The following CUX2 variants were observed in gnomAD, a reference collection of about 807,000 sequenced individuals.
CUX2 encodes cut like homeobox 2.
A neutral mutation model predicts 144.8 loss-of-function variants in CUX2; 40 were observed. The ratio of observed to expected loss-of-function variants is 0.28; its 90% CI spans 0.21 to 0.36. The LOEUF (loss-of-function observed/expected upper bound fraction) is 0.36. Ranked by LOEUF, CUX2 falls within the 10% of genes least tolerant of loss-of-function variation. The pLI, the probability that CUX2 is intolerant of heterozygous loss-of-function variation, is 1.00. For synonymous variants in CUX2, 827 were observed against 875.6 expected, an observed-to-expected ratio of 0.94 and a Z score of 0.98; for missense variants, 1,615 against 1,994.0, an observed-to-expected ratio of 0.81 and a Z score of 3.62.
chr12:111,132,398 C>T (rs1002505595), intron 1 of CUX2, among the ~76,000 whole-genome samples: 6 of 152,196 alleles, frequency 3.9e-5, no homozygotes, highest in African/African-American at 1.4e-4. Context: ...CTGACATGGC[C>T]TGAAGACATT....
intron 21 of CUX2, among the ~76,000 whole-genome samples, chr12:111,343,640 A>C (rs769373494): frequency 2.0e-5 from 3 of 152,166 alleles, no homozygotes; most frequent in African/African-American, 2.4e-5. Context: ...CTCAGTCCCC[A>C]ATCCCCCCAC....
chr12:111,086,333 G>A (rs927804725), intron 1 of CUX2, among the ~76,000 whole-genome samples: 2 of 152,208 alleles, frequency 1.3e-5, no homozygotes, highest in African/African-American at 4.8e-5. Context: ...TGTGTAGCCT[G>A]GGGTGCATCA....
At chr12:111,209,196 G>T (rs1045454515) in intron 1 of CUX2, among the ~76,000 whole-genome samples, 1 of 152,078 alleles carries the variant, frequency 6.6e-6, no homozygotes, top group African/African-American at 2.4e-5. Flanking sequence ...CTAGGAGTTC[G>T]AGACCAACCT....
In CUX2 at chr12:111,216,850, T is replaced by C. The variant is rs557828852; in HGVS notation, c.175-1040T>C. Among the ~76,000 whole-genome samples the C allele has an allele frequency of 2.6e-5, 4 of 152,304 alleles. No homozygotes were observed. The East Asian group carries it at 5.8e-4, about 22-fold the overall frequency. On this transcript the variant is annotated intron_variant, in intron 2 of 21. Transcript: ENST00000261726. ...CAGGGGCAGGAGCAACACAGTGTTA[T>C]TTGCATAATGAAGGGGTTTATTCTT...
At chr12:111,323,173 G>C (rs940665954) in intron 18 of CUX2, among the ~76,000 whole-genome samples, 2 of 152,174 alleles carry the variant, frequency 1.3e-5, no homozygotes, top group Non-Finnish European at 2.9e-5. Context: ...GCACCTACCC[G>C]GGCCCTGCAC....
intron 1 of CUX2, among the ~76,000 whole-genome samples, chr12:111,111,818 C>T (rs555246403): frequency 2.6e-5 from 4 of 151,866 alleles, no homozygotes; most frequent in Non-Finnish European, 4.4e-5. Context: ...GTCTTGCTAA[C>T]GGCAGCAAGT....
intron 1 of CUX2, among the ~76,000 whole-genome samples, chr12:111,110,160 G>C (rs1213367439): frequency 2.6e-5 from 4 of 151,854 alleles, no homozygotes; most frequent in African/African-American, 7.3e-5. Context: ...TTCATCTCCA[G>C]CTTCTTAATT....
intron 1 of CUX2, among the ~76,000 whole-genome samples, chr12:111,124,381 T>C (rs1265002877): frequency 1.3e-5 from 2 of 152,220 alleles, no homozygotes; most frequent in Non-Finnish European, 2.9e-5. Flanking sequence ...GATGAAATGC[T>C]CAGACACTGA....
intron 1 of CUX2, among the ~76,000 whole-genome samples, chr12:111,099,228 G>A (rs1873035179): frequency 6.6e-6 from 1 of 152,222 alleles, no homozygotes; most frequent in African/African-American, 2.4e-5. Flanking sequence ...TGTTCAAGGT[G>A]GAGGAAACGG....
rs554797857 is a variant in CUX2, at chr12:111,190,587, A to T, written c.64-23613A>T. ...TGCTTTTTGACTATGAGATGAGTTC[A>T]TCTTTCCTGGACATCCAGAGAGACG... On this transcript the variant is annotated intron_variant, in intron 1 of 21. Coordinates refer to ENST00000261726, the MANE Select transcript of CUX2 (RefSeq NM_015267.4). This position sits in a 1 kb window ranked among gnomAD's most constrained non-coding sequence, Gnocchi z 4.0. Among the ~76,000 whole-genome samples the T allele has an allele frequency of 6.6e-6, 1 of 152,292 alleles. No individual in the cohort carries two copies. Among genetic ancestry groups the T allele is most frequent in the Non-Finnish European group, 1.5e-5 (1 of 68,036 alleles).
chr12:111,182,869 C>T (rs182289901), intron 1 of CUX2, among the ~76,000 whole-genome samples: 1 of 152,286 alleles, frequency 6.6e-6, no homozygotes, highest in East Asian at 1.9e-4. Flanking sequence ...TGAAGGGACT[C>T]ATAGCTCCCT....
intron 5 of CUX2, among the ~76,000 whole-genome samples, chr12:111,292,707 AAGG>A (rs1440062341): frequency 6.6e-6 from 1 of 152,214 alleles, no homozygotes; most frequent in Non-Finnish European, 1.5e-5. Flanking sequence ...TAGAGACAGA[AAGG>A]AGATTGGTCG....
Position 111,295,254 on chromosome 12 carries a change from G to A in CUX2, c.561-79G>A, listed in dbSNP as rs1885909715. On this transcript the variant is annotated intron_variant, in intron 6 of 21. Coordinates refer to ENST00000261726, the MANE Select transcript of CUX2 (RefSeq NM_015267.4). The surrounding 1 kb of genome is among the most constrained non-coding windows in gnomAD (Gnocchi z 5.0). Reference sequence around the variant, plus strand: ...ACAGGGAGTGGGCAAGGGGTAGGAAGCAAGATGGGGCTCGACTCGGGGGCC... The same window carrying A: ...ACAGGGAGTGGGCAAGGGGTAGGAAACAAGATGGGGCTCGACTCGGGGGCC... 7.5e-7 allele frequency: 1 copy of A among 1,335,738 alleles called. No individual in the cohort carries two copies. Among genetic ancestry groups the A allele is most frequent in the South Asian group, 1.3e-5 (1 of 78,510 alleles). The allele number at this position is 1,335,738 out of a possible 1,614,324, so 82.7% of individuals were successfully genotyped here.
At chr12:111,327,506 C>T (rs186047231) in intron 18 of CUX2, among the ~76,000 whole-genome samples, 64 of 152,248 alleles carry the variant, frequency 4.2e-4, no homozygotes, top group Non-Finnish European at 7.2e-4. Flanking sequence ...CATTTGTTGA[C>T]GCTAGCCATC....
intron 4 of CUX2, among the ~76,000 whole-genome samples, chr12:111,275,756 G>A (rs1376686979): frequency 6.6e-6 from 1 of 152,128 alleles, no homozygotes; most frequent in Non-Finnish European, 1.5e-5. Flanking sequence ...CAGGATGTGC[G>A]GGTGCCACCT....
chr12:111,108,852 A>G (rs1038584640), intron 1 of CUX2, among the ~76,000 whole-genome samples: 3 of 151,818 alleles, frequency 2.0e-5, no homozygotes, highest in Non-Finnish European at 4.4e-5. Flanking sequence ...GTGCATCTTC[A>G]TGGTGTCATT....
rs1275456876 is a variant in CUX2, at chr12:111,334,668, A to G, written c.3154A>G (p.Ile1052Val). 3.7e-6 allele frequency: 6 copies of G among 1,613,738 alleles called. No homozygotes were observed. The highest frequency in any genetic ancestry group is 1.7e-5 in the Admixed American group (1 of 59,992). ...AMSPELDTYSITKRVKEVLTD... is the reference protein window; with the variant it reads ...AMSPELDTYSVTKRVKEVLTD... ...GTCCCCCGAGCTGGACACGTACTCC[A>G]TCACCAAGAGGGTGAAGGAGGTCCT... Residue 1052 changes from isoleucine (I) to valine (V), a missense_variant, in exon 19 of 22, where the codon ATC becomes GTC. By Grantham distance (29) the Ile-to-Val change is conservative. Around this residue, in one of 12 missense-constraint regions of CUX2, gnomAD observed 128 missense variants for 124.4 expected, o/e 1.03. Coordinates refer to ENST00000261726, the MANE Select transcript of CUX2 (RefSeq NM_015267.4).
intron 4 of CUX2, among the ~76,000 whole-genome samples, chr12:111,280,697 G>A (rs1409949784): frequency 6.6e-6 from 1 of 151,992 alleles, no homozygotes; most frequent in Non-Finnish European, 1.5e-5. Flanking sequence ...GGCACTCCTC[G>A]GCTTCTAGAT....
At chr12:111,267,960 T>G (rs1884463667) in intron 4 of CUX2, among the ~76,000 whole-genome samples, 1 of 152,140 alleles carries the variant, frequency 6.6e-6, no homozygotes, top group Non-Finnish European at 1.5e-5. Context: ...CCCAGCTAAT[T>G]TTTTAAATTT....
Sources: gnomAD v4.1 joint callset for allele counts (sites outside exome capture counted in the v4.1 genomes callset) on GRCh38, gnomAD v4.1.1 for gene constraint, gnomAD v4.1.1 regional missense constraint, Gnocchi (gnomAD v3.1) non-coding constraint, MANE v1.5 for transcripts, NCBI Gene and HGNC (gene_info 2026-07-23, HGNC 2026-07-21) for gene names.